XPO6: variants seen among roughly 807,000 people sequenced by gnomAD.
The protein encoded by XPO6 is exportin-6.
A neutral mutation model predicts 130.0 loss-of-function variants in XPO6; 3 were observed. The observed-to-expected ratio is 0.02, with a 90% CI of 0.01 to 0.06. The LOEUF is 0.06. Among genes scored for constraint, XPO6 ranks in the 10% least tolerant of loss-of-function variants. XPO6 has a pLI of 1.00. For missense variants in XPO6, 970 were observed against 1,393.0 expected (o/e 0.70, Z 4.83); for synonymous variants, 524 against 548.9 (o/e 0.95, Z 0.63).
chr16:28,200,993 C>T (rs999300217), intron 1 of XPO6, among the ~76,000 whole-genome samples: 7 of 152,096 alleles, frequency 4.6e-5, no homozygotes, highest in Non-Finnish European at 4.4e-5. Context: ...CACCCCCTCA[C>T]TTCTCTGCCC....
At chr16:28,111,748 C>A in intron 17 of XPO6, 69 bp downstream of exon 17, 1 of 1,555,380 alleles carries the variant, frequency 6.4e-7, no homozygotes. Context: ...CGGGGCAAAT[C>A]TCATCTGCCA....
rs950324610 is a variant in XPO6 at position 28,211,947 on chromosome 16, G to C, written c.-579C>G. 5 of 152,232 alleles carry C rather than the reference G, an allele frequency of 3.3e-5. No homozygotes were observed. Among genetic ancestry groups the C allele is most frequent in the African/African-American group, 1.2e-4 (5 of 41,440 alleles). The allele number at this position is 152,232 out of a possible 1,614,324, so 9.4% of individuals were successfully genotyped here. A position where few individuals can be genotyped will look rare whatever the true frequency, so the allele number is the denominator to read the frequency against. ...ACCGCGCGGCCGCCCCCGACCAACA[G>C]CCCCAACGCGCCGGAAGTGGCGAGC... On this transcript the variant is annotated 5_prime_UTR_variant, in exon 1 of 24. Coordinates refer to ENST00000304658, the MANE Select transcript of XPO6 (RefSeq NM_015171.4).
intron 8 of XPO6, among the ~76,000 whole-genome samples, chr16:28,146,837 CA>C (rs1483949297): frequency 6.6e-6 from 1 of 152,210 alleles, no homozygotes; most frequent in African/African-American, 2.4e-5. Flanking sequence ...TGTGGAGGAA[CA>C]AAGTGAGAAG....
At chr16:28,168,884 G>A (rs1191834668) in intron 5 of XPO6, among the ~76,000 whole-genome samples, 3 of 151,832 alleles carry the variant, frequency 2.0e-5, no homozygotes, top group African/African-American at 7.3e-5. Flanking sequence ...CAAAGCACTG[G>A]GATTACAGGT....
intron 6 of XPO6, among the ~76,000 whole-genome samples, chr16:28,160,984 C>T (rs1423722): frequency 0.29 from 43,758 of 152,076 alleles, 6,408 homozygotes; most frequent in Middle Eastern, 0.33. Context: ...TAGACTCTCC[C>T]AACTGCTTCT....
intron 12 of XPO6, among the ~76,000 whole-genome samples, chr16:28,131,392 A>G (rs1384886702): frequency 6.6e-6 from 1 of 152,176 alleles, no homozygotes; most frequent in Non-Finnish European, 1.5e-5. Flanking sequence ...GGCTGAAACA[A>G]CAGTTACCCA....
chr16:28,177,933 C>T (rs547572686), intron 2 of XPO6, among the ~76,000 whole-genome samples: 25 of 152,316 alleles, frequency 1.6e-4, no homozygotes, highest in East Asian at 1.5e-3. Flanking sequence ...GCAACGATGA[C>T]GAGTGTTGCG....
chr16:28,211,731 G>A lies in XPO6; in HGVS notation c.-363C>T, dbSNP rs1490553609. 8.2e-6 allele frequency: 3 copies of A among 364,208 alleles called. No individual in the cohort carries two copies. Among genetic ancestry groups the A allele is most frequent in the Middle Eastern group, 6.9e-4 (1 of 1,448 alleles). 22.6% of individuals were successfully genotyped at this position (364,208 alleles called of 1,614,324 possible). On this transcript the variant is annotated 5_prime_UTR_variant, in exon 1 of 24. Transcript: ENST00000304658. ...AGGGGCTCCCCGGCCTCCGCGGGCA[G>A]AGGTGGCGGCGGCCCCGGCCCCGAG...
intron 8 of XPO6, among the ~76,000 whole-genome samples, chr16:28,147,947 A>G (rs2043015634): frequency 6.6e-6 from 1 of 151,966 alleles, no homozygotes; most frequent in Admixed American, 6.6e-5. Flanking sequence ...CCCTGTCTCA[A>G]AAAAAAAGAA....
chr16:28,155,972 T>C, intron 7 of XPO6, 102 bp downstream of exon 7: 1 of 1,484,460 alleles, frequency 6.7e-7, no homozygotes, highest in Non-Finnish European at 8.9e-7. Flanking sequence ...AGGAGCCCCA[T>C]ATTCTGAAAT....
Position 28,106,616 on chromosome 16 carries a change from G to T in XPO6, c.2498-119C>A. On this transcript the variant is annotated intron_variant, in intron 18 of 23. Coordinates refer to ENST00000304658, the MANE Select transcript of XPO6 (RefSeq NM_015171.4). The surrounding 1 kb of genome is among the most constrained non-coding windows in gnomAD (Gnocchi z 4.2). Reference sequence around the variant, plus strand: ...CAGCTTTCTCTACAGCTTCCTGCTGGAAACATTTCCCCAACACCATCAGGG... The same window carrying T: ...CAGCTTTCTCTACAGCTTCCTGCTGTAAACATTTCCCCAACACCATCAGGG... 1.3e-6 allele frequency: 1 copy of T among 754,200 alleles called. No individual in the cohort carries two copies. The allele number at this position is 754,200 out of a possible 1,614,324, so 46.7% of individuals were successfully genotyped here. A position where few individuals can be genotyped will look rare whatever the true frequency, so the allele number is the denominator to read the frequency against.
intron 7 of XPO6, chr16:28,153,364 G>A (rs1336453280): frequency 1.0e-6 from 1 of 985,262 alleles, no homozygotes; most frequent in East Asian, 1.1e-4. Flanking sequence ...TTAGAACTGG[G>A]CAAGCCTCAG....
At chr16:28,130,103 G>A (rs2042635709) in intron 12 of XPO6, among the ~76,000 whole-genome samples, 1 of 152,252 alleles carries the variant, frequency 6.6e-6, no homozygotes, top group African/African-American at 2.4e-5. Context: ...GGCAGGCTCA[G>A]CAGCAGGAAG....
At chr16:28,154,027 T>C in intron 7 of XPO6, 1 of 985,312 alleles carries the variant, frequency 1.0e-6, no homozygotes, top group Non-Finnish European at 1.2e-6. Flanking sequence ...TCTCTGTGGA[T>C]CATGGGGCCA....
At chr16:28,196,437 A>C (rs1303441709) in intron 1 of XPO6, among the ~76,000 whole-genome samples, 1 of 152,204 alleles carries the variant, frequency 6.6e-6, no homozygotes, top group Non-Finnish European at 1.5e-5. Context: ...ATGACTGCTT[A>C]ATGGGTACAG....
rs756140120 is a variant in XPO6 at position 28,177,344 on chromosome 16, A to C, written c.95-12T>G. 6.5e-7 allele frequency: 1 copy of C among 1,536,524 alleles called. No individual in the cohort carries two copies. The highest frequency in any genetic ancestry group is 2.3e-5 in the East Asian group (1 of 44,436). ...ATTAAGAAGCTCCTCTGGAAAAGTT[A>C]AATGGCAACAAAAGAAAGCTATGAA... On this transcript the variant is annotated splice_polypyrimidine_tract_variant and intron_variant, in intron 2 of 23. Transcript: ENST00000304658.
intron 5 of XPO6, among the ~76,000 whole-genome samples, chr16:28,168,944 G>A (rs945219876): frequency 6.6e-6 from 1 of 152,068 alleles, no homozygotes; most frequent in African/African-American, 2.4e-5. Context: ...GGTTCTTTCA[G>A]CCAACTTTAA....
intron 13 of XPO6, among the ~76,000 whole-genome samples, chr16:28,124,250 G>A (rs1418044705): frequency 1.3e-5 from 2 of 152,084 alleles, no homozygotes; most frequent in East Asian, 1.9e-4. Context: ...TAGAGATGGG[G>A]TTTCATCATA....
intron 4 of XPO6, among the ~76,000 whole-genome samples, chr16:28,172,028 A>G (rs1395816289): frequency 6.6e-6 from 1 of 152,132 alleles, no homozygotes; most frequent in African/African-American, 2.4e-5. Context: ...CCTCCTATAA[A>G]TATGAAATGC....
Sources: gnomAD v4.1 joint callset for allele counts (sites outside exome capture counted in the v4.1 genomes callset) on GRCh38, gnomAD v4.1.1 for gene constraint, Gnocchi (gnomAD v3.1) non-coding constraint, MANE v1.5 for transcripts, NCBI Gene and HGNC (gene_info 2026-07-23, HGNC 2026-07-21) for gene names.